Variants in HORMAD2 observed in about 807,000 individuals in gnomAD.
The protein encoded by HORMAD2 is HORMA domain containing 2.
Under a neutral mutation model 38.8 loss-of-function variants are expected in HORMAD2, and 45 were observed. The observed-to-expected ratio is 1.16, with a 90% CI of 0.91 to 1.49. The LOEUF (loss-of-function observed/expected upper bound fraction) is 1.49. HORMAD2 is among the 40% of genes most tolerant of loss of function. The pLI is 0.00. For missense variants in HORMAD2, 338 were observed against 367.0 expected (o/e 0.92, Z 0.65); for synonymous variants, 126 against 122.8 (o/e 1.03, Z -0.17).
chr22:30,171,651 T>G (rs1008423208), intron 10 of HORMAD2, among the ~76,000 whole-genome samples: 2 of 152,076 alleles, frequency 1.3e-5, no homozygotes, highest in Admixed American at 6.6e-5. Flanking sequence ...CAAAAAGTAT[T>G]TATTGAACCT....
chr22:30,198,022 A>AT, the HORMAD2 span, among the ~76,000 whole-genome samples: 27 of 28,440 alleles, frequency 9.5e-4, no homozygotes, highest in South Asian at 0.013. Flanking sequence ...CTAAAAATAT[A>AT]TTAAAAAAAA....
intron 1 of HORMAD2, among the ~76,000 whole-genome samples, chr22:30,090,010 C>T (rs2068653500): frequency 6.6e-6 from 1 of 152,172 alleles, no homozygotes; most frequent in Non-Finnish European, 1.5e-5. Context: ...TTTCACTTAG[C>T]ATAATGTTTT....
rs991843979 is a variant in HORMAD2 at position 30,161,728 on chromosome 22, T to A, written c.820-14335T>A. ...CTAATAAACATTATTTTTTTAAATGTTCTTTTTTACCTTTGCAAATAAAGC... is the reference window on the plus strand; with the variant it reads ...CTAATAAACATTATTTTTTTAAATGATCTTTTTTACCTTTGCAAATAAAGC... On this transcript the variant is annotated intron_variant, in intron 10 of 10. Coordinates refer to ENST00000336726, the MANE Select transcript of HORMAD2 (RefSeq NM_152510.4). Among the ~76,000 whole-genome samples, 5 of 152,090 alleles carry A rather than the reference T, an allele frequency of 3.3e-5. No homozygotes were observed. In the East Asian group the frequency reaches 9.6e-4, roughly 29 times the overall value.
At chr22:30,198,634 G>C in the HORMAD2 span, among the ~76,000 whole-genome samples, 1 of 152,058 alleles carries the variant, frequency 6.6e-6, no homozygotes, top group African/African-American at 2.4e-5. Flanking sequence ...ACATTTGCCA[G>C]CTCCTTGCAC....
At chr22:30,161,809 G>A (rs1161380591) in intron 10 of HORMAD2, among the ~76,000 whole-genome samples, 1 of 151,894 alleles carries the variant, frequency 6.6e-6, no homozygotes, top group East Asian at 1.9e-4. Context: ...TTGAAATAAA[G>A]GGGATAAAAG....
chr22:30,183,535 A>G, the HORMAD2 span, among the ~76,000 whole-genome samples: 1 of 152,200 alleles, frequency 6.6e-6, no homozygotes, highest in South Asian at 2.1e-4. Context: ...ACATGTGCTC[A>G]TTCATTTAAT....
chr22:30,188,798 G>A, the HORMAD2 span, among the ~76,000 whole-genome samples: 48 of 151,828 alleles, frequency 3.2e-4, no homozygotes, highest in African/African-American at 1.1e-3. Context: ...CTAGTCTTAG[G>A]TCCCCTTGTA....
At chr22:30,107,131 A>G (rs926922963) in intron 5 of HORMAD2, among the ~76,000 whole-genome samples, 4 of 152,246 alleles carry the variant, frequency 2.6e-5, no homozygotes, top group Non-Finnish European at 5.9e-5. Context: ...GGATGAGATA[A>G]TAATGAGAGT....
chr22:30,127,991 G>A (rs1255917854), intron 10 of HORMAD2, among the ~76,000 whole-genome samples: 1 of 152,122 alleles, frequency 6.6e-6, no homozygotes, highest in Non-Finnish European at 1.5e-5. Flanking sequence ...TGCTTTCTTG[G>A]TGATAGTTGA....
intron 1 of HORMAD2, among the ~76,000 whole-genome samples, chr22:30,088,868 C>G (rs2068632043): frequency 6.6e-6 from 1 of 151,910 alleles, no homozygotes; most frequent in African/African-American, 2.4e-5. Context: ...GGGACTAGAT[C>G]TTAAACTCTT....
At chr22:30,175,296 TATAATAATATATATAATATA>T (rs1212841350) in intron 10 of HORMAD2, among the ~76,000 whole-genome samples, 15 of 137,476 alleles carry the variant, frequency 1.1e-4, no homozygotes, top group African/African-American at 4.2e-4. Flanking sequence ...ATAGAATATA[TATAATAATATATATAATATA>T]ATATATATAT....
chr22:30,111,915 C>CT (rs552631276), intron 6 of HORMAD2, 99 bp downstream of exon 6: 11,695 of 640,044 alleles, frequency 0.018, no homozygotes, highest in South Asian at 0.031. Flanking sequence ...TCCTCCCTGA[C>CT]TTTTTTTTTT....
chr22:30,120,789 A>C (rs1922371786), intron 8 of HORMAD2, among the ~76,000 whole-genome samples: 1 of 152,200 alleles, frequency 6.6e-6, no homozygotes. Context: ...GAGTCTGCGC[A>C]TGAGCTAGGT....
In HORMAD2 at chr22:30,139,386, A is replaced by G. The variant is rs974277388; in HGVS notation, c.819+17172A>G. 6.1e-5 allele frequency among the ~76,000 whole-genome samples: 9 copies of G among 148,116 alleles called. No individual in the cohort carries two copies. In the Admixed American group the frequency reaches 6.1e-4, roughly 10 times the overall value. ...TATATATATATTTTTTCATCCTACT[A>G]GTTCTGTTTCTCTAGAGAACCCTGA... On this transcript the variant is annotated intron_variant, in intron 10 of 10. Transcript: ENST00000336726.
intron 10 of HORMAD2, among the ~76,000 whole-genome samples, chr22:30,165,882 T>C (rs1032186422): frequency 6.6e-6 from 1 of 151,902 alleles, no homozygotes; most frequent in African/African-American, 2.4e-5. Context: ...CTTTATTTTA[T>C]AGTAGCTTTT....
intron 10 of HORMAD2, among the ~76,000 whole-genome samples, chr22:30,134,331 G>A (rs900632683): frequency 1.4e-5 from 2 of 145,632 alleles, no homozygotes; most frequent in Non-Finnish European, 3.0e-5. Flanking sequence ...CCCGGGAGGC[G>A]AAGGTTGCAG....
intron 10 of HORMAD2, among the ~76,000 whole-genome samples, chr22:30,138,682 T>C (rs1172188022): frequency 6.6e-6 from 1 of 152,214 alleles, no homozygotes; most frequent in Non-Finnish European, 1.5e-5. Flanking sequence ...AATTTATTCA[T>C]GAGCATTCTT....
intron 10 of HORMAD2, among the ~76,000 whole-genome samples, chr22:30,166,252 A>G (rs1012546249): frequency 6.6e-6 from 1 of 152,128 alleles, no homozygotes; most frequent in Non-Finnish European, 1.5e-5. Context: ...TATTATCACC[A>G]TAATCCCTAA....
chr22:30,193,682 T>C, the HORMAD2 span, among the ~76,000 whole-genome samples: 2 of 152,202 alleles, frequency 1.3e-5, no homozygotes, highest in African/African-American at 4.8e-5. Context: ...GAAAGACCAA[T>C]GAGGCTGGTC....
Sources: gnomAD v4.1 joint callset for allele counts (sites outside exome capture counted in the v4.1 genomes callset) on GRCh38, gnomAD v4.1.1 for gene constraint, MANE v1.5 for transcripts, NCBI Gene and HGNC (gene_info 2026-07-23, HGNC 2026-07-21) for gene names.